The following TAFA1 variants were observed in gnomAD, a reference collection of about 807,000 sequenced individuals.
The protein encoded by TAFA1 is chemokine-like protein TAFA-1.
TAFA1 carries 4 observed loss-of-function variants against 18.5 expected under a neutral mutation model. The observed-to-expected ratio is 0.22, with a 90% CI of 0.11 to 0.49. TAFA1 has a LOEUF of 0.49. Ranked by LOEUF, TAFA1 falls within the 20% of genes least tolerant of loss-of-function variation. The pLI is 0.98. For synonymous variants in TAFA1, 56 were observed against 55.2 expected, an observed-to-expected ratio of 1.01 and a Z score of -0.06; for missense variants, 147 against 169.0, an observed-to-expected ratio of 0.87 and a Z score of 0.72.
chr3:68,026,998 G>A (rs1208159949), intron 2 of TAFA1, among the ~76,000 whole-genome samples: 1 of 152,064 alleles, frequency 6.6e-6, no homozygotes, highest in Non-Finnish European at 1.5e-5. Context: ...CATGGCTGGA[G>A]TAGGAGGAAG....
intron 2 of TAFA1, among the ~76,000 whole-genome samples, chr3:68,076,639 A>G (rs555727508): frequency 2.4e-4 from 36 of 152,364 alleles, no homozygotes; most frequent in Admixed American, 5.2e-4. Context: ...ACATGAACTC[A>G]TCATTTTTTA....
At chr3:68,430,005 T>A (rs1160746923) in intron 3 of TAFA1, among the ~76,000 whole-genome samples, 1 of 151,922 alleles carries the variant, frequency 6.6e-6, no homozygotes, top group African/African-American at 2.4e-5. Context: ...GTGCCAGGAA[T>A]TATGCCAAAT....
At chr3:68,239,335 GAATTT>G (rs2066969152) in intron 2 of TAFA1, among the ~76,000 whole-genome samples, 1 of 152,132 alleles carries the variant, frequency 6.6e-6, no homozygotes, top group African/African-American at 2.4e-5. Context: ...CAGGAGCGCT[GAATTT>G]AAATTCAGAA....
chr3:68,128,306 T>C (rs1468760764), intron 2 of TAFA1, among the ~76,000 whole-genome samples: 1 of 152,172 alleles, frequency 6.6e-6, no homozygotes, highest in Non-Finnish European at 1.5e-5. Flanking sequence ...AGCAAGACCA[T>C]ACATCCCGCT....
upstream of TAFA1, among the ~76,000 whole-genome samples, chr3:68,001,712 A>C (rs1704285621): frequency 6.6e-6 from 1 of 152,156 alleles, no homozygotes; most frequent in Non-Finnish European, 1.5e-5. Flanking sequence ...CATGGAACAT[A>C]AAAATTCAAT....
chr3:68,266,633 T>C (rs2067551907), intron 2 of TAFA1, among the ~76,000 whole-genome samples: 1 of 152,064 alleles, frequency 6.6e-6, no homozygotes, highest in African/African-American at 2.4e-5. Context: ...AACTATGTGA[T>C]GTGGATTTAG....
At chr3:68,289,724 T>C (rs2068076152) in intron 2 of TAFA1, among the ~76,000 whole-genome samples, 1 of 152,124 alleles carries the variant, frequency 6.6e-6, no homozygotes, top group East Asian at 1.9e-4. Flanking sequence ...TGCAGATGAA[T>C]AGAATGAGGA....
chr3:68,050,534 T>C (rs1487277996), intron 2 of TAFA1, among the ~76,000 whole-genome samples: 3 of 152,110 alleles, frequency 2.0e-5, no homozygotes, highest in East Asian at 3.9e-4. Context: ...AGTTTGCTGA[T>C]AGGAATGTGT....
chr3:68,286,711 C>T (rs567077515), intron 2 of TAFA1, among the ~76,000 whole-genome samples: 76 of 152,214 alleles, frequency 5.0e-4, no homozygotes, highest in Non-Finnish European at 7.9e-4. Flanking sequence ...GACATCTTCC[C>T]GAGGCTGTCC....
At chr3:68,190,044 T>C (rs1575669837) in intron 2 of TAFA1, among the ~76,000 whole-genome samples, 1 of 151,950 alleles carries the variant, frequency 6.6e-6, no homozygotes, top group South Asian at 2.1e-4. Flanking sequence ...ATTGTCTTTC[T>C]TCACTTGAGG....
chr3:68,269,297 T>G (rs1367762662), intron 2 of TAFA1, among the ~76,000 whole-genome samples: 1 of 151,426 alleles, frequency 6.6e-6, no homozygotes, highest in Non-Finnish European at 1.5e-5. Flanking sequence ...TTACAATTTC[T>G]TTTTTAAAAC....
At chr3:68,182,902 A>G (rs2066222137) in intron 2 of TAFA1, among the ~76,000 whole-genome samples, 1 of 152,192 alleles carries the variant, frequency 6.6e-6, no homozygotes, top group South Asian at 2.1e-4. Flanking sequence ...ATTGCATTGA[A>G]AATATAATAA....
At chr3:68,360,410 A>C (rs1162092128) in intron 2 of TAFA1, among the ~76,000 whole-genome samples, 1 of 151,984 alleles carries the variant, frequency 6.6e-6, no homozygotes, top group Non-Finnish European at 1.5e-5. Flanking sequence ...TCCAGTACAT[A>C]TGTTGGCATA....
chr3:68,440,983 A>T (rs995346220), intron 3 of TAFA1, among the ~76,000 whole-genome samples: 3 of 152,140 alleles, frequency 2.0e-5, no homozygotes, highest in Non-Finnish European at 2.9e-5. Flanking sequence ...TCTGACTAAA[A>T]TTAAGGGATC....
At chr3:68,414,246 G>T (rs999655377) in intron 2 of TAFA1, among the ~76,000 whole-genome samples, 7 of 152,186 alleles carry the variant, frequency 4.6e-5, no homozygotes, top group African/African-American at 1.7e-4. Flanking sequence ...AGCAGAGGTT[G>T]CAGTGAACTG....
At chr3:68,188,818 T>C (rs2066303324) in intron 2 of TAFA1, among the ~76,000 whole-genome samples, 1 of 151,966 alleles carries the variant, frequency 6.6e-6, no homozygotes, top group Admixed American at 6.6e-5. Context: ...TTTTGATTAA[T>C]TTTTATCATC....
chr3:68,158,502 C>T (rs914742807), intron 2 of TAFA1, among the ~76,000 whole-genome samples: 1 of 151,388 alleles, frequency 6.6e-6, no homozygotes, highest in East Asian at 1.9e-4. Flanking sequence ...GGCCATTTTT[C>T]GTGTCAGCTT....
intron 2 of TAFA1, among the ~76,000 whole-genome samples, chr3:68,363,033 G>A (rs2069500100): frequency 8.8e-6 from 1 of 113,240 alleles, no homozygotes; most frequent in Middle Eastern, 0.01. Flanking sequence ...TTTAAAATTG[G>A]TTGAATAAAA....
chr3:68,167,549 C>T (rs1482525469), intron 2 of TAFA1, among the ~76,000 whole-genome samples: 4 of 146,260 alleles, frequency 2.7e-5, no homozygotes, highest in Non-Finnish European at 4.5e-5. Context: ...TGCATTCCAG[C>T]CTGGGTGACA....
Sources: gnomAD v4.1 joint callset for allele counts (sites outside exome capture counted in the v4.1 genomes callset) on GRCh38, gnomAD v4.1.1 for gene constraint, MANE v1.5 for transcripts, NCBI Gene and HGNC (gene_info 2026-07-23, HGNC 2026-07-21) for gene names.